The following MYCT1 variants were observed in gnomAD, a reference collection of about 807,000 sequenced individuals.
MYCT1 encodes the protein myc target protein 1.
Under a neutral mutation model 15.0 loss-of-function variants are expected in MYCT1, and 12 were observed. The ratio of observed to expected loss-of-function variants is 0.80; its 90% CI spans 0.51 to 1.29. The LOEUF (loss-of-function observed/expected upper bound fraction) is 1.29, where lower values mean the gene tolerates loss of function less well. Ranked by LOEUF, MYCT1 falls within the 50% of genes most tolerant of loss-of-function variation. MYCT1 has a pLI of 0.00. For missense variants in MYCT1, 287 were observed against 279.1 expected, an observed-to-expected ratio of 1.03 and a Z score of -0.20; for synonymous variants, 104 against 102.7, an observed-to-expected ratio of 1.01 and a Z score of -0.07.
At chr6:152,721,155 G>A (rs1240984641) in intron 1 of MYCT1, among the ~76,000 whole-genome samples, 3 of 152,118 alleles carry the variant, frequency 2.0e-5, no homozygotes, top group East Asian at 1.9e-4. Flanking sequence ...AGAGATATAG[G>A]TGACTGTCTG....
At position 152,722,631 on chromosome 6, in the gene MYCT1, GA is replaced by G. The variant is rs919525869; in HGVS notation, c.*386del. 7.5e-5 allele frequency: 18 copies of G among 238,982 alleles called. 1 individual carries two copies. Among genetic ancestry groups the G allele is most frequent in the African/African-American group, 3.6e-4 (16 of 43,856 alleles). The allele number at this position is 238,982 out of a possible 1,614,324, so 14.8% of individuals were successfully genotyped here. A position where few individuals can be genotyped will look rare whatever the true frequency, so the allele number is the denominator to read the frequency against. On this transcript the variant is annotated 3_prime_UTR_variant, in exon 2 of 2. Coordinates refer to ENST00000367245, the MANE Select transcript of MYCT1 (RefSeq NM_025107.3). ...TTTACTTCCAATGTGACTAAAAAGA[GA>G]AAAAAAATCACTGTGTCACTTTAAA... is the stretch of plus-strand genomic sequence containing the variant.
chr6:152,698,766 C>T (rs4555926), intron 1 of MYCT1, among the ~76,000 whole-genome samples: 74,011 of 151,954 alleles, frequency 0.49, 18,545 homozygotes, highest in East Asian at 0.79. Flanking sequence ...CAATGGAATC[C>T]TATCACAGGG....
intron 1 of MYCT1, among the ~76,000 whole-genome samples, chr6:152,720,710 T>C (rs1422068277): frequency 2.0e-5 from 3 of 152,018 alleles, no homozygotes; most frequent in African/African-American, 7.2e-5. Context: ...CAGGCTTTGG[T>C]ACAGTGAGAA....
intron 1 of MYCT1, among the ~76,000 whole-genome samples, chr6:152,699,971 A>G (rs2099721040): frequency 6.6e-6 from 1 of 152,118 alleles, no homozygotes; most frequent in African/African-American, 2.4e-5. Context: ...AATAATGAAA[A>G]CCAGAAAGGG....
chr6:152,741,958 G>T, the MYCT1 span, among the ~76,000 whole-genome samples: 2 of 152,260 alleles, frequency 1.3e-5, no homozygotes, highest in South Asian at 4.1e-4. Context: ...TGGACCCAAA[G>T]AACTGAAAAC....
chr6:152,746,887 G>T, the MYCT1 span, among the ~76,000 whole-genome samples: 740 of 152,264 alleles, frequency 4.9e-3, 5 homozygotes, highest in African/African-American at 0.017. Flanking sequence ...GACAGATAAC[G>T]AGGTTTTGGA....
the MYCT1 span, among the ~76,000 whole-genome samples, chr6:152,735,619 A>G: frequency 6.6e-6 from 1 of 152,160 alleles, no homozygotes; most frequent in Non-Finnish European, 1.5e-5. Context: ...TAAAGTTTAG[A>G]AGTTTTGGCA....
chr6:152,713,998 AT>A (rs908574313), intron 1 of MYCT1, among the ~76,000 whole-genome samples: 21 of 151,526 alleles, frequency 1.4e-4, no homozygotes, highest in African/African-American at 3.9e-4. Context: ...TTTAGGTAGA[AT>A]TTTTTTTTAT....
rs182044277 is a variant in MYCT1 at position 152,718,585 on chromosome 6, T to C, written c.197-3157T>C. Among the ~76,000 whole-genome samples the C allele has an allele frequency of 3.9e-4, 59 of 152,242 alleles. No individual in the cohort carries two copies. In the East Asian group the frequency reaches 9.3e-3, roughly 24 times the overall value. On this transcript the variant is annotated intron_variant, in intron 1 of 1. Transcript: ENST00000367245. Reference sequence around the variant, plus strand: ...AGACAAGAAATTATTTTTCATTGATTGTGTATTTAAATAGTTTCTATTTTT... The same window carrying C: ...AGACAAGAAATTATTTTTCATTGATCGTGTATTTAAATAGTTTCTATTTTT...
the MYCT1 span, among the ~76,000 whole-genome samples, chr6:152,740,004 C>T: frequency 2.0e-5 from 3 of 151,832 alleles, no homozygotes; most frequent in Non-Finnish European, 4.4e-5. Context: ...AATACAGACT[C>T]CTTCTTAAAT....
the MYCT1 span, among the ~76,000 whole-genome samples, chr6:152,730,492 C>T: frequency 3.3e-5 from 5 of 152,308 alleles, no homozygotes; most frequent in Admixed American, 6.5e-5. Context: ...CTTGGCTTGC[C>T]CCTCAAAATT....
chr6:152,745,854 T>C, the MYCT1 span, among the ~76,000 whole-genome samples: 1 of 152,194 alleles, frequency 6.6e-6, no homozygotes, highest in Non-Finnish European at 1.5e-5. Context: ...TCATCCAGGT[T>C]TGTCTCCCGT....
chr6:152,713,189 G>T (rs1263999907), intron 1 of MYCT1, among the ~76,000 whole-genome samples: 1 of 151,874 alleles, frequency 6.6e-6, no homozygotes, highest in African/African-American at 2.4e-5. Flanking sequence ...TCACTGTTAA[G>T]CTCATGGTAT....
Position 152,700,477 on chromosome 6 carries a change from C to T in MYCT1, c.196+2379C>T, listed in dbSNP as rs144627611. On this transcript the variant is annotated intron_variant, in intron 1 of 1. Transcript: ENST00000367245. ...GCGCTAAATGATGGCATAATAATAT[C>T]GGGTTATTACCAAAAACAATAGCTT... Among the ~76,000 whole-genome samples the T allele has an allele frequency of 8.5e-5, 13 of 152,220 alleles. No homozygotes were observed. In the East Asian group the frequency reaches 2.1e-3, roughly 25 times the overall value.
rs1368356611 is a variant in MYCT1, at chr6:152,722,264, T to C, written c.*11T>C. 6.3e-7 allele frequency: 1 copy of C among 1,578,600 alleles called. No individual in the cohort carries two copies. Among genetic ancestry groups the C allele is most frequent in the Admixed American group, 1.9e-5 (1 of 52,156 alleles). On this transcript the variant is annotated 3_prime_UTR_variant, in exon 2 of 2. Coordinates refer to ENST00000367245, the MANE Select transcript of MYCT1 (RefSeq NM_025107.3). ...TTCCCAGATTCCTGAGTAGGGTGGC[T>C]TTTGGTTTTTGTTTCTTTCTTGTCT...
rs1169867835 is a variant in MYCT1 at position 152,724,230 on chromosome 6, C to A, written c.*1977C>A. Reference sequence around the variant, plus strand: ...AGGGAATATTAACTTGGTATCAGGGCTACTTTTTTTTTTTTTTTTTTACTT... The same window carrying A: ...AGGGAATATTAACTTGGTATCAGGGATACTTTTTTTTTTTTTTTTTTACTT... On this transcript the variant is annotated 3_prime_UTR_variant, in exon 2 of 2. Transcript: ENST00000367245. 1 of 141,318 alleles carries A rather than the reference C, an allele frequency of 7.1e-6. No individual in the cohort carries two copies. Among genetic ancestry groups the A allele is most frequent in the Admixed American group, 7.2e-5 (1 of 13,970 alleles). 8.8% of individuals were successfully genotyped at this position (141,318 alleles called of 1,614,324 possible). A position where few individuals can be genotyped will look rare whatever the true frequency, so the allele number is the denominator to read the frequency against.
At position 152,712,314 on chromosome 6, in the gene MYCT1, T is replaced by G. The variant is rs963087094; in HGVS notation, c.197-9428T>G. Among the ~76,000 whole-genome samples the G allele has an allele frequency of 4.0e-5, 2 of 50,518 alleles. 1 individual carries two copies. Among genetic ancestry groups the G allele is most frequent in the Non-Finnish European group, 9.1e-5 (2 of 21,972 alleles). 33.1% of individuals were successfully genotyped at this position (50,518 alleles called of 152,430 possible). The stretch of plus-strand genomic sequence containing the variant: ...GGTCAATTTTGGAATAGGTGTGGTG[T>G]GGTGCTGAAAAAAATGTATATTCTG... On this transcript the variant is annotated intron_variant, in intron 1 of 1. Coordinates refer to ENST00000367245, the MANE Select transcript of MYCT1 (RefSeq NM_025107.3).
the MYCT1 span, among the ~76,000 whole-genome samples, chr6:152,731,459 G>A: frequency 3.9e-5 from 6 of 152,012 alleles, no homozygotes; most frequent in African/African-American, 1.5e-4. Context: ...CCATGTTGGT[G>A]TGCTGCACCC....
At chr6:152,700,855 G>A (rs2099721194) in intron 1 of MYCT1, among the ~76,000 whole-genome samples, 1 of 152,118 alleles carries the variant, frequency 6.6e-6, no homozygotes, top group South Asian at 2.1e-4. Flanking sequence ...TGAAAAGTTG[G>A]GGGAAGATGT....
Sources: allele counts gnomAD v4.1 joint callset (sites outside exome capture counted in the v4.1 genomes callset), GRCh38; gene constraint gnomAD v4.1.1; transcripts MANE v1.5; gene names NCBI Gene and HGNC (gene_info 2026-07-23, HGNC 2026-07-21).